PCDHGB3: variants seen among roughly 807,000 people sequenced by gnomAD.
PCDHGB3 encodes protocadherin gamma-B3.
PCDHGB3 carries 40 observed loss-of-function variants against 59.2 expected under a neutral mutation model. That is an observed-to-expected ratio of 0.68 (90% CI 0.52 to 0.88). The LOEUF (loss-of-function observed/expected upper bound fraction) is 0.88, where lower values mean the gene tolerates loss of function less well. Among genes scored for constraint, PCDHGB3 ranks in the 40% least tolerant of loss-of-function variants. PCDHGB3 has a pLI of 0.00. For missense variants in PCDHGB3, 1,309 were observed against 1,187.9 expected (o/e 1.10, Z -1.50); for synonymous variants, 581 against 503.6 (o/e 1.15, Z -2.06).
At chr5:141,418,752 C>T (rs2096284996) in intron 1 of PCDHGB3, 1 of 1,613,874 alleles carries the variant, frequency 6.2e-7, no homozygotes, top group African/African-American at 1.3e-5. Flanking sequence ...GATTACACTA[C>T]AGGAAACATT....
chr5:141,429,377 G>T (rs1029180912), intron 1 of PCDHGB3, among the ~76,000 whole-genome samples: 1 of 149,434 alleles, frequency 6.7e-6, no homozygotes, highest in African/African-American at 2.5e-5. Context: ...GAGAAAATGT[G>T]TTTTTTTTTT....
At chr5:141,375,575 G>A (rs1209081341) in intron 1 of PCDHGB3, 1 of 1,613,960 alleles carries the variant, frequency 6.2e-7, no homozygotes, top group East Asian at 2.2e-5. Context: ...CACCCTCCAG[G>A]GGGCGCCCCT....
intron 1 of PCDHGB3, chr5:141,389,967 G>C: frequency 8.7e-6 from 14 of 1,614,046 alleles, no homozygotes; most frequent in Non-Finnish European, 1.1e-5. Context: ...GGTGGCCTTG[G>C]CCTTGATCTC....
intron 1 of PCDHGB3, chr5:141,376,677 T>TTTG: frequency 3.8e-5 from 4 of 105,314 alleles, no homozygotes; most frequent in Non-Finnish European, 3.0e-5. Context: ...GAGGGTATCG[T>TTTG]TTTTTTTTTT....
intron 1 of PCDHGB3, among the ~76,000 whole-genome samples, chr5:141,386,678 G>A (rs1376452903): frequency 6.6e-6 from 1 of 152,012 alleles, no homozygotes; most frequent in African/African-American, 2.4e-5. Flanking sequence ...CATTTCAGAT[G>A]TACAATCACT....
intron 1 of PCDHGB3, among the ~76,000 whole-genome samples, chr5:141,467,854 T>C (rs1337373000): frequency 6.6e-6 from 1 of 151,968 alleles, no homozygotes; most frequent in Admixed American, 6.6e-5. Flanking sequence ...GAATGAGATT[T>C]CACCATGTTG....
At chr5:141,469,468 G>A (rs62379200) in intron 1 of PCDHGB3, among the ~76,000 whole-genome samples, 32,669 of 151,998 alleles carry the variant, frequency 0.21, 3,638 homozygotes, top group African/African-American at 0.27. Context: ...TCAGCTACTC[G>A]GGAGGCTGAG....
intron 1 of PCDHGB3, chr5:141,414,843 G>A: frequency 3.7e-6 from 6 of 1,614,218 alleles, no homozygotes; most frequent in Non-Finnish European, 5.1e-6. Context: ...GCCTGTTTGT[G>A]CTGGACCAGA....
rs757926227 is a variant in PCDHGB3, at chr5:141,432,889, G to A, written c.2415+60080G>A. 1.6e-5 allele frequency: 26 copies of A among 1,614,180 alleles called. No individual in the cohort carries two copies. In the East Asian group the frequency reaches 5.8e-4, roughly 36 times the overall value. On this transcript the variant is annotated intron_variant, in intron 1 of 3. Transcript: ENST00000576222. This position sits in a 1 kb window ranked among gnomAD's most constrained non-coding sequence, Gnocchi z 6.0. ...GCGTCTTCCTGGCCTTCGTCATCTT[G>A]CTGCTGGCGCTCAGGCTGCGGCGCT...
At chr5:141,438,739 G>A (rs1264194876) in intron 1 of PCDHGB3, among the ~76,000 whole-genome samples, 1 of 149,040 alleles carries the variant, frequency 6.7e-6, no homozygotes, top group African/African-American at 2.5e-5. Context: ...TCAGCTCACT[G>A]CAACCTCTGC....
chr5:141,383,038 G>A (rs1778741644), intron 1 of PCDHGB3: 1 of 1,613,858 alleles, frequency 6.2e-7, no homozygotes. Context: ...CTTTGTGGGA[G>A]ACATCGCCAA....
At chr5:141,450,898 C>T (rs929869116) in intron 1 of PCDHGB3, among the ~76,000 whole-genome samples, 12 of 150,412 alleles carry the variant, frequency 8.0e-5, no homozygotes, top group African/African-American at 2.9e-4. Context: ...GATATCGGCT[C>T]ACTGCAACCG....
At chr5:141,382,782 G>A (rs1294010280) in intron 1 of PCDHGB3, 22 of 844,882 alleles carry the variant, frequency 2.6e-5, no homozygotes, top group African/African-American at 1.2e-4. Flanking sequence ...CTAAACTCAA[G>A]CCTCTATCCT....
At chr5:141,428,001 T>G (rs149531447) in intron 1 of PCDHGB3, 10 of 1,601,704 alleles carry the variant, frequency 6.2e-6, no homozygotes, top group Non-Finnish European at 8.5e-6. Flanking sequence ...CTCCGCACTC[T>G]TCGATATAGT....
At chr5:141,419,753 T>C (rs764151937) in intron 1 of PCDHGB3, 10 of 1,613,856 alleles carry the variant, frequency 6.2e-6, no homozygotes, top group South Asian at 2.2e-5. Context: ...GGTGCGTGCT[T>C]TGGGTGACAA....
In PCDHGB3 at chr5:141,431,955, GA is replaced by G; in HGVS notation, c.2415+59149del. ...CCCTTTAAATTAGAAAAATCTTACG[GA>G]AATTACTATAGTTTAGTCACAGACA... On this transcript the variant is annotated intron_variant, in intron 1 of 3. Coordinates refer to ENST00000576222, the MANE Select transcript of PCDHGB3 (RefSeq NM_018924.5). The surrounding 1 kb of genome is among the most constrained non-coding windows in gnomAD (Gnocchi z 4.8). The G allele has an allele frequency of 6.2e-7, 1 of 1,614,142 alleles. No homozygotes were observed. Among genetic ancestry groups the G allele is most frequent in the Non-Finnish European group, 8.5e-7 (1 of 1,180,024 alleles).
chr5:141,476,733 G>C lies in PCDHGB3; in HGVS notation c.2416-18074G>C, dbSNP rs373439335. On this transcript the variant is annotated intron_variant, in intron 1 of 3. Transcript: ENST00000576222. This position sits in a 1 kb window ranked among gnomAD's most constrained non-coding sequence, Gnocchi z 7.6. ...TTGGAGCGCGCCCTGGACCGAGAAC[G>C]GGAGCCTAGTCTCCAGTTAGTGCTG... 6.2e-6 allele frequency: 10 copies of C among 1,614,062 alleles called. No individual in the cohort carries two copies. The highest frequency in any genetic ancestry group is 2.2e-5 in the East Asian group (1 of 44,870).
At position 141,489,099 on chromosome 5, in the gene PCDHGB3, G is replaced by C; in HGVS notation, c.2416-5708G>C. 5.5e-6 allele frequency: 2 copies of C among 361,982 alleles called. No homozygotes were observed. The highest frequency in any genetic ancestry group is 5.0e-5 in the South Asian group (1 of 19,862). 22.4% of individuals were successfully genotyped at this position (361,982 alleles called of 1,614,324 possible). On this transcript the variant is annotated intron_variant, in intron 1 of 3. Coordinates refer to ENST00000576222, the MANE Select transcript of PCDHGB3 (RefSeq NM_018924.5). The surrounding 1 kb of genome is among the most constrained non-coding windows in gnomAD (Gnocchi z 4.5). Reference sequence around the variant, plus strand: ...CCCCGCCACTCGGTGACTAAGAACTGCTGCAAGCAGGCAAACCTCCGAGCA... The same window carrying C: ...CCCCGCCACTCGGTGACTAAGAACTCCTGCAAGCAGGCAAACCTCCGAGCA...
intron 1 of PCDHGB3, among the ~76,000 whole-genome samples, chr5:141,454,379 T>A (rs770736083): frequency 1.2e-3 from 179 of 152,316 alleles, no homozygotes; most frequent in Non-Finnish European, 2.1e-3. Flanking sequence ...TGGCAACTTG[T>A]CAAGATGAAG....
Sources: allele counts gnomAD v4.1 joint callset (sites outside exome capture counted in the v4.1 genomes callset), GRCh38; gene constraint gnomAD v4.1.1; non-coding constraint Gnocchi (gnomAD v3.1); transcripts MANE v1.5; gene names NCBI Gene and HGNC (gene_info 2026-07-23, HGNC 2026-07-21).